ADGRV1: variants seen among roughly 807,000 people sequenced by gnomAD.
ADGRV1 encodes the protein G-protein coupled receptor 98.
A neutral mutation model predicts 596.2 loss-of-function variants in ADGRV1; 359 were observed. The observed-to-expected ratio is 0.60, with a 90% CI of 0.55 to 0.66. The LOEUF is 0.66. Among genes scored for constraint, ADGRV1 ranks in the 30% least tolerant of loss-of-function variants. ADGRV1 has a pLI of 0.00. For synonymous variants in ADGRV1, 2,681 were observed against 2,679.2 expected, an observed-to-expected ratio of 1.00 and a Z score of -0.02; for missense variants, 7,274 against 7,575.6, an observed-to-expected ratio of 0.96 and a Z score of 1.48.
At chr5:90,605,192 G>A (rs538070877) in intron 1 of ADGRV1, among the ~76,000 whole-genome samples, 12 of 152,190 alleles carry the variant, frequency 7.9e-5, no homozygotes, top group Admixed American at 3.9e-4. Flanking sequence ...CGAGGCAGGC[G>A]GATCATGAGG....
At chr5:90,974,927 T>G (rs901474498) in intron 84 of ADGRV1, among the ~76,000 whole-genome samples, 7 of 152,032 alleles carry the variant, frequency 4.6e-5, no homozygotes, top group Non-Finnish European at 8.8e-5. Context: ...TACAGAATGG[T>G]AGAAAAGTTT....
intron 83 of ADGRV1, among the ~76,000 whole-genome samples, chr5:90,877,383 T>C (rs1374695553): frequency 6.6e-6 from 1 of 152,188 alleles, no homozygotes; most frequent in Non-Finnish European, 1.5e-5. Flanking sequence ...GCAGAACTGA[T>C]GTATGGAGGA....
chr5:90,806,830 A>G (rs896507018), intron 72 of ADGRV1, among the ~76,000 whole-genome samples: 2 of 151,918 alleles, frequency 1.3e-5, no homozygotes, highest in Admixed American at 1.3e-4. Context: ...AAACTCACTG[A>G]CTAGATTTAT....
In ADGRV1 at chr5:90,711,079, A is replaced by G. The variant is rs1580822997; in HGVS notation, c.8903+20A>G. ...AAGCAGGTAAGGCCAAGGCTGCATG[A>G]GAGCCCTCTTCTGGGTTTCATATTA... On this transcript the variant is annotated intron_variant, in intron 40 of 89. Coordinates refer to ENST00000405460, the MANE Select transcript of ADGRV1 (RefSeq NM_032119.4). 6.3e-7 allele frequency: 1 copy of G among 1,592,924 alleles called. No individual in the cohort carries two copies. Among genetic ancestry groups the G allele is most frequent in the East Asian group, 2.2e-5 (1 of 44,694 alleles).
Position 90,629,432 on chromosome 5 carries a change from T to A in ADGRV1, c.1732T>A (p.Ser578Thr). 6.2e-7 allele frequency: 1 copy of A among 1,613,620 alleles called. No homozygotes were observed. Among genetic ancestry groups the A allele is most frequent in the South Asian group, 1.1e-5 (1 of 91,070 alleles). Reference protein sequence around the residue: ...LQAKEGILNISRRNDLIFPEQ... With the variant: ...LQAKEGILNITRRNDLIFPEQ... ...AGCAAAAGAAGGCATCTTAAATATA[T>A]CAAGGAGAAATGACCTCATTTTTCC... The change falls in exon 9 of 90, where the codon TCA (serine) becomes ACA (threonine). Residue 578 changes from serine to threonine, a missense_variant. Physicochemically the swap from Ser to Thr is moderately conservative, Grantham distance 58 (BLOSUM62 1). This residue lies in a region of ADGRV1 where 1,715 missense variants were observed against 1,708.8 expected (regional missense o/e 1.00). Coordinates refer to ENST00000405460, the MANE Select transcript of ADGRV1 (RefSeq NM_032119.4).
At chr5:90,643,085 T>C (rs1250810874) in intron 13 of ADGRV1, 44 bp downstream of exon 13, 2 of 1,455,142 alleles carry the variant, frequency 1.4e-6, no homozygotes, top group Admixed American at 1.7e-5. Flanking sequence ...GTAAGATTGA[T>C]AGTATTTGGT....
chr5:91,016,727 A>G (rs76757206), intron 85 of ADGRV1, among the ~76,000 whole-genome samples: 2,248 of 152,048 alleles, frequency 0.015, 52 homozygotes, highest in African/African-American at 0.052. Context: ...CAAAGAAAAG[A>G]AAGTCATTTA....
At position 91,130,031 on chromosome 5, in the gene ADGRV1, T is replaced by C. The variant is rs183677738; in HGVS notation, c.18433-19999T>C. On this transcript the variant is annotated intron_variant, in intron 87 of 89. Transcript: ENST00000405460. ...CTCATAACCCTTGCTGCCTCCCTGA[T>C]TTTGGAGTGGGATTGGTGGTCAGAA... Among the ~76,000 whole-genome samples, 185 of 152,278 alleles carry C rather than the reference T, an allele frequency of 1.2e-3. 1 individual carries two copies. Among genetic ancestry groups the C allele is most frequent in the Non-Finnish European group, 4.4e-4 (30 of 68,024 alleles).
intron 83 of ADGRV1, among the ~76,000 whole-genome samples, chr5:90,890,979 G>A (rs907645981): frequency 5.9e-5 from 9 of 151,862 alleles, no homozygotes; most frequent in Non-Finnish European, 7.4e-5. Flanking sequence ...CAAAATGTAT[G>A]ACAGTGGATA....
intron 1 of ADGRV1, among the ~76,000 whole-genome samples, chr5:90,596,049 C>T (rs1195608854): frequency 6.1e-5 from 9 of 148,610 alleles, no homozygotes; most frequent in Non-Finnish European, 1.3e-4. Context: ...GGCTGCCGGG[C>T]GGAGGGTCTC....
rs1746899043 is a variant in ADGRV1, at chr5:90,694,395, C to T, written c.7639C>T (p.Leu2547Phe). 1 of 1,613,824 alleles carries T rather than the reference C, an allele frequency of 6.2e-7. No individual in the cohort carries two copies. Among genetic ancestry groups the T allele is most frequent in the Non-Finnish European group, 8.5e-7 (1 of 1,179,866 alleles). Residue 2547 changes from leucine (L) to phenylalanine (F), a missense_variant, in exon 33 of 90, where the codon CTC becomes TTC. Leu to Phe is a conservative substitution (Grantham distance 22). Transcript: ENST00000405460. Reference sequence around the variant, plus strand: ...TCTAATTTCTCTCCTTGAAGTTCACCTCATGAACATTTCAGCCAGTTTGAA... The same window carrying T: ...TCTAATTTCTCTCCTTGAAGTTCACTTCATGAACATTTCAGCCAGTTTGAA... ...SFLISLLEVH[L>F]MNISASLKNQ... is the part of the protein sequence containing the mutation.
Position 91,153,136 on chromosome 5 carries a change from A to C in ADGRV1, c.18625-85A>C, listed in dbSNP as rs143634270. 1,032 of 1,090,688 alleles carry C rather than the reference A, an allele frequency of 9.5e-4. 14 individuals carry two copies. In the African/African-American group the frequency reaches 0.011, roughly 12 times the overall value. 67.6% of individuals were successfully genotyped at this position (1,090,688 alleles called of 1,614,324 possible). Reference sequence around the variant, plus strand: ...GCAAGGTCTTTGTACGGAGAGGCAGAGATCAATTGTCCATTTGGGTTTCAT... The same window carrying C: ...GCAAGGTCTTTGTACGGAGAGGCAGCGATCAATTGTCCATTTGGGTTTCAT... On this transcript the variant is annotated intron_variant, in intron 88 of 89. Coordinates refer to ENST00000405460, the MANE Select transcript of ADGRV1 (RefSeq NM_032119.4).
chr5:91,048,924 G>A (rs949511643), intron 85 of ADGRV1, among the ~76,000 whole-genome samples: 1 of 152,088 alleles, frequency 6.6e-6, no homozygotes, highest in African/African-American at 2.4e-5. Context: ...TTTGACTCTA[G>A]TTACTTTGCC....
chr5:90,973,788 G>C (rs1165055802), intron 84 of ADGRV1, among the ~76,000 whole-genome samples: 1 of 152,128 alleles, frequency 6.6e-6, no homozygotes, highest in Non-Finnish European at 1.5e-5. Flanking sequence ...TTGAAAAGTG[G>C]CACAAGACAG....
chr5:90,683,825 A>G lies in ADGRV1; in HGVS notation c.5904A>G (p.Thr1968=), dbSNP rs1745257628. The change falls in exon 28 of 90, where the codon ACA becomes ACG. Residue 1968 remains threonine (T), a synonymous_variant. Transcript: ENST00000405460. The part of the protein sequence containing the change: ...SLGAHINATL[T]VLASDDPYGI... ...GAGCTCATATTAATGCCACGTTAAC[A>G]GTTTTGGCTAGTGATGATCCATATG... 1.2e-6 allele frequency: 2 copies of G among 1,613,720 alleles called. No individual in the cohort carries two copies. Among genetic ancestry groups the G allele is most frequent in the Admixed American group, 3.3e-5 (2 of 59,978 alleles).
chr5:90,904,137 C>G (rs930188322), intron 83 of ADGRV1, among the ~76,000 whole-genome samples: 1 of 151,914 alleles, frequency 6.6e-6, no homozygotes, highest in South Asian at 2.1e-4. Flanking sequence ...GTATGTGTAC[C>G]ACATTTTCTT....
intron 87 of ADGRV1, among the ~76,000 whole-genome samples, chr5:91,127,415 A>G (rs530695355): frequency 2.6e-5 from 4 of 152,018 alleles, no homozygotes; most frequent in East Asian, 1.9e-4. Flanking sequence ...TAGTGTGCCT[A>G]TAGTCCCAGC....
At chr5:90,817,525 T>C (rs1423893554) in intron 75 of ADGRV1, among the ~76,000 whole-genome samples, 1 of 151,712 alleles carries the variant, frequency 6.6e-6, no homozygotes, top group Non-Finnish European at 1.5e-5. Context: ...TAGGTTTTCT[T>C]CTAGGGTTTT....
At chr5:90,700,209 A>T (rs1271205896) in intron 34 of ADGRV1, among the ~76,000 whole-genome samples, 1 of 152,182 alleles carries the variant, frequency 6.6e-6, no homozygotes, top group Non-Finnish European at 1.5e-5. Flanking sequence ...TTCAGAGATA[A>T]CCGCTAAACA....
Sources: gnomAD v4.1 joint callset for allele counts (sites outside exome capture counted in the v4.1 genomes callset) on GRCh38, gnomAD v4.1.1 for gene constraint, gnomAD v4.1.1 regional missense constraint, MANE v1.5 for transcripts, NCBI Gene and HGNC (gene_info 2026-07-23, HGNC 2026-07-21) for gene names.